PAFAH1B1: variants seen among roughly 807,000 people sequenced by gnomAD.
The protein encoded by PAFAH1B1 is platelet activating factor acetylhydrolase 1b regulatory subunit 1.
A neutral mutation model predicts 57.5 loss-of-function variants in PAFAH1B1; 2 were observed. That is an observed-to-expected ratio of 0.03 (90% CI 0.01 to 0.11). The LOEUF (loss-of-function observed/expected upper bound fraction) is 0.11, where lower values mean the gene tolerates loss of function less well. Ranked by LOEUF, PAFAH1B1 falls within the 10% of genes least tolerant of loss-of-function variation. The pLI is 1.00. For missense variants in PAFAH1B1, 257 were observed against 512.0 expected (o/e 0.50, Z 4.81); for synonymous variants, 152 against 169.6 (o/e 0.90, Z 0.81).
chr17:2,596,027 G>T (rs969338513), intron 1 of PAFAH1B1, among the ~76,000 whole-genome samples: 2 of 152,128 alleles, frequency 1.3e-5, no homozygotes, highest in Admixed American at 6.6e-5. Context: ...GATATGAATG[G>T]TTGCTACAAC....
chr17:2,634,747 G>C (rs566512637), intron 1 of PAFAH1B1, among the ~76,000 whole-genome samples: 1 of 151,990 alleles, frequency 6.6e-6, no homozygotes, highest in East Asian at 1.9e-4. Context: ...TTTGTGGCCT[G>C]TTTGCTTGCT....
chr17:2,641,732 G>A (rs192348662), intron 2 of PAFAH1B1: 2 of 152,280 alleles, frequency 1.3e-5, no homozygotes, highest in African/African-American at 4.8e-5. Flanking sequence ...AGTGGCGCAT[G>A]ATATGTATTA....
At chr17:2,600,196 T>C (rs1252553700) in intron 1 of PAFAH1B1, among the ~76,000 whole-genome samples, 3 of 151,688 alleles carry the variant, frequency 2.0e-5, no homozygotes, top group Admixed American at 1.3e-4. Context: ...TCCACCCGAG[T>C]TGGCCTCCCA....
chr17:2,615,607 ATT>A (rs902244186), intron 1 of PAFAH1B1, among the ~76,000 whole-genome samples: 2 of 151,680 alleles, frequency 1.3e-5, no homozygotes, highest in Non-Finnish European at 2.9e-5. Flanking sequence ...CGCCTGGCTA[ATT>A]TTTCTATTTT....
chr17:2,633,257 T>C (rs1292976467), intron 1 of PAFAH1B1, among the ~76,000 whole-genome samples: 1 of 151,834 alleles, frequency 6.6e-6, no homozygotes, highest in Non-Finnish European at 1.5e-5. Context: ...AACCTCCGTC[T>C]CCTGGGTTCC....
chr17:2,600,563 T>TTC (rs2068130305), intron 1 of PAFAH1B1, among the ~76,000 whole-genome samples: 1 of 99,868 alleles, frequency 1.0e-5, no homozygotes, highest in East Asian at 2.5e-4. Flanking sequence ...AGAGTGAAAC[T>TTC]ATCTCAAAAA....
rs374865525 is a variant in PAFAH1B1 at position 2,613,863 on chromosome 17, G to A, written c.-191+19857G>A. On this transcript the variant is annotated intron_variant, in intron 1 of 10. Coordinates refer to ENST00000397195, the MANE Select transcript of PAFAH1B1 (RefSeq NM_000430.4). The stretch of plus-strand genomic sequence containing the variant: ...CCGTAGCCTGGGATCTGGCACAGAG[G>A]TGAGGGCACTCCCAGAAAGGGGGGC... The A allele has an allele frequency of 1.4e-4, 32 of 227,290 alleles. 1 individual carries two copies. In the South Asian group the frequency reaches 2.0e-3, roughly 14 times the overall value. The allele number at this position is 227,290 out of a possible 1,614,324, so 14.1% of individuals were successfully genotyped here. A position where few individuals can be genotyped will look rare whatever the true frequency, so the allele number is the denominator to read the frequency against.
intron 1 of PAFAH1B1, among the ~76,000 whole-genome samples, chr17:2,607,839 G>A (rs1018397174): frequency 2.0e-5 from 3 of 151,992 alleles, no homozygotes; most frequent in African/African-American, 4.8e-5. Context: ...CTTCTCAGTA[G>A]TAAAGTTTCT....
At chr17:2,665,309 T>C in intron 2 of PAFAH1B1, 63 bp from the exon 3 acceptor site, 1 of 899,894 alleles carries the variant, frequency 1.1e-6, no homozygotes, top group Admixed American at 1.8e-5. Context: ...TTTAAATAAA[T>C]TCTATTTCTT....
At chr17:2,611,232 G>T (rs1251021937) in intron 1 of PAFAH1B1, among the ~76,000 whole-genome samples, 1 of 152,102 alleles carries the variant, frequency 6.6e-6, no homozygotes, top group East Asian at 1.9e-4. Flanking sequence ...CACTTTGGGA[G>T]ACTGAGGCAG....
At chr17:2,659,834 C>CA (rs911502676) in intron 2 of PAFAH1B1, among the ~76,000 whole-genome samples, 21 of 151,126 alleles carry the variant, frequency 1.4e-4, no homozygotes, top group African/African-American at 3.9e-4. Flanking sequence ...GACTCCGTTT[C>CA]AAAAAAAAAT....
chr17:2,643,389 G>A (rs957198915), intron 2 of PAFAH1B1, among the ~76,000 whole-genome samples: 1 of 152,102 alleles, frequency 6.6e-6, no homozygotes, highest in South Asian at 2.1e-4. Flanking sequence ...TAATAGCTGG[G>A]ATTACAGGCA....
chr17:2,623,301 ACT>A (rs2068447760), intron 1 of PAFAH1B1, among the ~76,000 whole-genome samples: 1 of 114,716 alleles, frequency 8.7e-6, no homozygotes, highest in Non-Finnish European at 1.6e-5. Context: ...AGGGAGTCTC[ACT>A]CTGTCGCCCG....
rs747141534 is a variant in PAFAH1B1 at position 2,638,112 on chromosome 17, T to A, written c.-177T>A. ...CTTTCTCCTTAGGTGGAATGAATCT[T>A]ACTTGTTGAATATCTTCTGGTTACT... On this transcript the variant is annotated 5_prime_UTR_variant, in exon 2 of 11. Coordinates refer to ENST00000397195, the MANE Select transcript of PAFAH1B1 (RefSeq NM_000430.4). 5.4e-6 allele frequency: 3 copies of A among 555,906 alleles called. No individual in the cohort carries two copies. The highest frequency in any genetic ancestry group is 9.7e-6 in the Non-Finnish European group (3 of 307,888). 34.4% of individuals were successfully genotyped at this position (555,906 alleles called of 1,614,324 possible).
chr17:2,671,333 T>A (rs774826305), intron 6 of PAFAH1B1, among the ~76,000 whole-genome samples: 16 of 150,526 alleles, frequency 1.1e-4, no homozygotes, highest in Admixed American at 2.7e-4. Context: ...CTCAGCCTCC[T>A]GAGTATCTAG....
chr17:2,594,051 G>A (rs925638199), intron 1 of PAFAH1B1, 45 bp downstream of exon 1: 27 of 397,484 alleles, frequency 6.8e-5, no homozygotes, highest in Non-Finnish European at 1.2e-4. Context: ...CTCCTCCACC[G>A]CGCCCGGGCG....
chr17:2,657,457 T>C (rs1439647731), intron 2 of PAFAH1B1, among the ~76,000 whole-genome samples: 1 of 152,234 alleles, frequency 6.6e-6, no homozygotes, highest in Non-Finnish European at 1.5e-5. Flanking sequence ...TTGGCCAGGC[T>C]GGTCTCAAAC....
intron 2 of PAFAH1B1, among the ~76,000 whole-genome samples, chr17:2,648,260 G>T (rs983503807): frequency 6.6e-6 from 1 of 152,088 alleles, no homozygotes; most frequent in African/African-American, 2.4e-5. Context: ...CCTTCCACCG[G>T]GTCCCTCCCA....
Position 2,673,165 on chromosome 17 carries a change from A to G in PAFAH1B1, c.671+408A>G, listed in dbSNP as rs2069206818. ...ACTTCGACTTTAACCCGGAATGATC[A>G]TTATGACAGTCATATTAAATATACT... On this transcript the variant is annotated intron_variant, in intron 7 of 10. Coordinates refer to ENST00000397195, the MANE Select transcript of PAFAH1B1 (RefSeq NM_000430.4). Among the ~76,000 whole-genome samples, 4 of 152,234 alleles carry G rather than the reference A, an allele frequency of 2.6e-5. No individual in the cohort carries two copies. The South Asian group carries it at 6.2e-4, about 24-fold the overall frequency.
Sources: gnomAD v4.1 joint callset for allele counts (sites outside exome capture counted in the v4.1 genomes callset) on GRCh38, gnomAD v4.1.1 for gene constraint, MANE v1.5 for transcripts, NCBI Gene and HGNC (gene_info 2026-07-23, HGNC 2026-07-21) for gene names.